RB1: variants seen among roughly 807,000 people sequenced by gnomAD.
RB1 encodes retinoblastoma-associated protein.
In RB1, 18 loss-of-function variants were observed where a neutral mutation model predicts 135.4. The observed-to-expected ratio is 0.13, with a 90% confidence interval of 0.09 to 0.20. RB1 has a LOEUF of 0.20. Ranked by LOEUF, RB1 falls within the 10% of genes least tolerant of loss-of-function variation. RB1 has a pLI of 1.00. For synonymous variants in RB1, 365 were observed against 373.2 expected (o/e 0.98, Z 0.25); for missense variants, 868 against 1,110.0 (o/e 0.78, Z 3.10).
At chr13:48,462,609 T>C (rs570046405) in intron 20 of RB1, among the ~76,000 whole-genome samples, 202 of 152,326 alleles carry the variant, frequency 1.3e-3, no homozygotes, top group African/African-American at 4.8e-3. Flanking sequence ...TGATGTCCAA[T>C]TTATGTAGTT....
At chr13:48,473,962 A>T (rs1949488573) in intron 24 of RB1, among the ~76,000 whole-genome samples, 1 of 152,172 alleles carries the variant, frequency 6.6e-6, no homozygotes, top group Admixed American at 6.5e-5. Context: ...CCACTGCCAG[A>T]ACTACTCACA....
At chr13:48,316,671 G>T (rs1242895315) in intron 2 of RB1, among the ~76,000 whole-genome samples, 5 of 149,302 alleles carry the variant, frequency 3.3e-5, no homozygotes, top group Non-Finnish European at 7.4e-5. Flanking sequence ...TCTATACAGG[G>T]CTATGTATAA....
chr13:48,389,468 G>A (rs1324240293), intron 17 of RB1: 2 of 152,210 alleles, frequency 1.3e-5, no homozygotes, highest in African/African-American at 2.4e-5. Flanking sequence ...TGTATGTGAA[G>A]TAGAGGGAAT....
chr13:48,341,409 T>C (rs952401564), intron 2 of RB1: 10 of 152,048 alleles, frequency 6.6e-5, no homozygotes, highest in African/African-American at 2.4e-4. Context: ...TGTTTTCATT[T>C]CTCTTGGGTA....
chr13:48,464,891 T>G (rs1949427428), intron 21 of RB1, 107 bp from the exon 22 acceptor site: 3 of 1,273,216 alleles, frequency 2.4e-6, no homozygotes, highest in Non-Finnish European at 3.2e-6. Flanking sequence ...TCAAAAAGTA[T>G]TATAAACTAT....
intron 9 of RB1, among the ~76,000 whole-genome samples, chr13:48,367,118 CAAAAAAAAA>C (rs34822911): frequency 9.8e-6 from 1 of 102,358 alleles, no homozygotes; most frequent in African/African-American, 4.1e-5. Flanking sequence ...AACTCCATCT[CAAAAAAAAA>C]AAAAAAAAAA....
At chr13:48,409,901 A>T (rs1948778156) in intron 17 of RB1, among the ~76,000 whole-genome samples, 1 of 152,070 alleles carries the variant, frequency 6.6e-6, no homozygotes, top group African/African-American at 2.4e-5. Flanking sequence ...AAAAAGGAAT[A>T]TGTTGGATAA....
chr13:48,403,066 G>C (rs1375196596), intron 17 of RB1, among the ~76,000 whole-genome samples: 1 of 152,026 alleles, frequency 6.6e-6, no homozygotes, highest in Non-Finnish European at 1.5e-5. Context: ...GGTAAAATTA[G>C]TTGGAAAATT....
intron 2 of RB1, chr13:48,317,664 A>G (rs1392621154): frequency 9.4e-6 from 5 of 529,828 alleles, no homozygotes; most frequent in Non-Finnish European, 1.4e-5. Context: ...AGACACTGCC[A>G]CTGGTGCTCC....
intron 2 of RB1, among the ~76,000 whole-genome samples, chr13:48,311,960 C>G (rs1178129433): frequency 6.6e-6 from 1 of 152,218 alleles, no homozygotes; most frequent in East Asian, 1.9e-4. Context: ...CTCGGCCTCC[C>G]AAAGTGCTGG....
At chr13:48,307,577 G>A (rs1045705057) in intron 2 of RB1, among the ~76,000 whole-genome samples, 171 bp downstream of exon 2, 21 of 151,836 alleles carry the variant, frequency 1.4e-4, no homozygotes, top group Non-Finnish European at 2.5e-4. Flanking sequence ...GTTTGAGGCC[G>A]GGCACGGTGG....
chr13:48,459,918 T>TTTCCTTCTTTCCTTCTTTCC (rs1566235711), intron 20 of RB1, 85 bp downstream of exon 20: 9 of 488,164 alleles, frequency 1.8e-5, no homozygotes, highest in Middle Eastern at 3.7e-4. Context: ...TCTTTCTTTC[T>TTTCCTTCTTTCCTTCTTTCC]TTCTTTCTTT....
At chr13:48,443,698 A>G (rs1056995541) in intron 17 of RB1, among the ~76,000 whole-genome samples, 4 of 152,236 alleles carry the variant, frequency 2.6e-5, no homozygotes, top group African/African-American at 7.2e-5. Context: ...CACCAAGGGT[A>G]CATTTCATAC....
In RB1 at chr13:48,375,257, T is replaced by C. The variant is rs191375127; in HGVS notation, c.1216-1661T>C. Among the ~76,000 whole-genome samples the C allele has an allele frequency of 7.4e-4, 112 of 152,336 alleles. 1 individual carries two copies. Among genetic ancestry groups the C allele is most frequent in the African/African-American group, 2.6e-3 (107 of 41,586 alleles). ...AAGCTTAAAAGCTTAATTATGTAGATGATAAGTTGCATATGTCAAAGTGAA... is the reference window on the plus strand; with the variant it reads ...AAGCTTAAAAGCTTAATTATGTAGACGATAAGTTGCATATGTCAAAGTGAA... On this transcript the variant is annotated intron_variant, in intron 12 of 26. Coordinates refer to ENST00000267163, the MANE Select transcript of RB1 (RefSeq NM_000321.3).
chr13:48,353,744 T>C (rs143894816), intron 6 of RB1, among the ~76,000 whole-genome samples: 1 of 152,208 alleles, frequency 6.6e-6, no homozygotes, highest in East Asian at 1.9e-4. Context: ...GATCATTCAT[T>C]ATGTCGCAGT....
chr13:48,465,259 A>T lies in RB1; in HGVS notation c.2380A>T (p.Ser794Cys), dbSNP rs746089525. Residue 794 changes from serine to cysteine, a missense_variant, in exon 23 of 27, where the codon AGT (serine) becomes TGT (cysteine). Physicochemically the swap from Ser to Cys is moderately radical, Grantham distance 112. Around this residue, in one of 3 missense-constraint regions of RB1, gnomAD observed 196 missense variants for 239.8 expected, o/e 0.82. Coordinates refer to ENST00000267163, the MANE Select transcript of RB1 (RefSeq NM_000321.3). Reference sequence around the variant, plus strand: ...TCCTCGAAGCCCTTACAAGTTTCCTAGTTCACCCTTACGGATTCCTGGAGG... The same window carrying T: ...TCCTCGAAGCCCTTACAAGTTTCCTTGTTCACCCTTACGGATTCCTGGAGG... ...HIPRSPYKFP[S>C]SPLRIPGGNI... 1 of 1,613,736 alleles carries T rather than the reference A, an allele frequency of 6.2e-7. No individual in the cohort carries two copies.
chr13:48,363,131 T>G (rs965887986), intron 8 of RB1, among the ~76,000 whole-genome samples, 174 bp downstream of exon 8: 2 of 152,196 alleles, frequency 1.3e-5, no homozygotes, highest in Non-Finnish European at 2.9e-5. Flanking sequence ...GTTACTTTGA[T>G]TTTAAAGAGA....
At chr13:48,366,415 T>A (rs1307433747) in intron 9 of RB1, among the ~76,000 whole-genome samples, 1 of 152,172 alleles carries the variant, frequency 6.6e-6, no homozygotes, top group Non-Finnish European at 1.5e-5. Context: ...TCTAATACAT[T>A]TATGAAGATT....
chr13:48,438,149 C>T (rs1949202400), intron 17 of RB1, among the ~76,000 whole-genome samples: 1 of 152,158 alleles, frequency 6.6e-6, no homozygotes. Context: ...TTTGCTATTT[C>T]CTTGCTATGA....
Sources: gnomAD v4.1 joint callset for allele counts (sites outside exome capture counted in the v4.1 genomes callset) on GRCh38, gnomAD v4.1.1 for gene constraint, gnomAD v4.1.1 regional missense constraint, MANE v1.5 for transcripts, NCBI Gene and HGNC (gene_info 2026-07-23, HGNC 2026-07-21) for gene names.